BTAF1: variants seen among roughly 807,000 people sequenced by gnomAD.
The protein encoded by BTAF1 is TATA-binding protein-associated factor 172.
In BTAF1, 38 loss-of-function variants were observed where a neutral mutation model predicts 227.1. That is an observed-to-expected ratio of 0.17 (90% CI 0.13 to 0.22). BTAF1 has a LOEUF of 0.22. Ranked by LOEUF, BTAF1 falls within the 10% of genes least tolerant of loss-of-function variation. The probability of loss-of-function intolerance (pLI) is 1.00; values close to 1 mark genes in which losing one functional copy is unlikely to be tolerated. For missense variants in BTAF1, 1,598 were observed against 2,204.0 expected, an observed-to-expected ratio of 0.73 and a Z score of 5.51; for synonymous variants, 742 against 751.9, an observed-to-expected ratio of 0.99 and a Z score of 0.21.
At chr10:91,967,749 T>A (rs1321131964) in intron 14 of BTAF1, among the ~76,000 whole-genome samples, 1 of 152,216 alleles carries the variant, frequency 6.6e-6, no homozygotes, top group Non-Finnish European at 1.5e-5. Context: ...TGTTCTTAAT[T>A]TTCATTTCAT....
chr10:91,989,077 T>C, intron 19 of BTAF1, 77 bp from the exon 20 acceptor site: 1 of 1,282,920 alleles, frequency 7.8e-7, no homozygotes, highest in East Asian at 2.5e-5. Flanking sequence ...GAAAGCTTGC[T>C]GTCTACCCTT....
chr10:92,015,464 G>A (rs1328529392), intron 32 of BTAF1, among the ~76,000 whole-genome samples: 2 of 152,250 alleles, frequency 1.3e-5, no homozygotes, highest in African/African-American at 4.8e-5. Flanking sequence ...AGGATAAGAA[G>A]TTGAGAGTTC....
chr10:92,024,304 G>A (rs969996023), intron 34 of BTAF1, among the ~76,000 whole-genome samples: 5 of 152,012 alleles, frequency 3.3e-5, no homozygotes, highest in East Asian at 1.9e-4. Context: ...GTTTGTCTGC[G>A]GCATCTTCTT....
chr10:91,973,380 G>A (rs1847445059), intron 14 of BTAF1, among the ~76,000 whole-genome samples: 1 of 152,208 alleles, frequency 6.6e-6, no homozygotes, highest in Non-Finnish European at 1.5e-5. Flanking sequence ...CTTTGAAAAT[G>A]TTAATGCTAT....
intron 13 of BTAF1, among the ~76,000 whole-genome samples, chr10:91,964,949 G>A (rs1846788501): frequency 6.6e-6 from 1 of 152,118 alleles, no homozygotes; most frequent in South Asian, 2.1e-4. Flanking sequence ...TAGTGAGGGC[G>A]TTCAGTGAAT....
At chr10:91,958,759 T>C (rs1564673501) in intron 8 of BTAF1, among the ~76,000 whole-genome samples, 2 of 152,174 alleles carry the variant, frequency 1.3e-5, no homozygotes, top group African/African-American at 4.8e-5. Flanking sequence ...TCTCTCTTGC[T>C]GTGGATAGTG....
chr10:91,949,092 C>T (rs1286266143), intron 4 of BTAF1, among the ~76,000 whole-genome samples: 3 of 152,132 alleles, frequency 2.0e-5, no homozygotes, highest in Non-Finnish European at 4.4e-5. Flanking sequence ...GGGAAGATGT[C>T]TTGAGCCCAG....
intron 1 of BTAF1, among the ~76,000 whole-genome samples, chr10:91,931,203 C>T (rs1312831905): frequency 6.6e-6 from 1 of 152,124 alleles, no homozygotes; most frequent in Non-Finnish European, 1.5e-5. Context: ...TTTCCTTTTT[C>T]TAGGCAGTCT....
intron 25 of BTAF1, among the ~76,000 whole-genome samples, chr10:91,998,278 G>C (rs558983201): frequency 6.6e-6 from 1 of 152,066 alleles, no homozygotes; most frequent in South Asian, 2.1e-4. Context: ...TTAACACACA[G>C]AGTTTTAATT....
chr10:91,979,247 G>A (rs1847916460), intron 14 of BTAF1, among the ~76,000 whole-genome samples: 1 of 152,118 alleles, frequency 6.6e-6, no homozygotes, highest in Non-Finnish European at 1.5e-5. Flanking sequence ...TTGATTCCGT[G>A]TCTTTGCTCT....
chr10:91,991,775 A>ATATG (rs1287678246), intron 20 of BTAF1, among the ~76,000 whole-genome samples: 4 of 81,524 alleles, frequency 4.9e-5, no homozygotes, highest in African/African-American at 2.0e-4. Flanking sequence ...AATTATATAT[A>ATATG]TGTGTGTGTG....
At chr10:91,962,177 TTTGA>T (rs1462015834) in intron 11 of BTAF1, among the ~76,000 whole-genome samples, 3 of 152,216 alleles carry the variant, frequency 2.0e-5, no homozygotes, top group Admixed American at 6.5e-5. Flanking sequence ...AATACTGTAC[TTTGA>T]TTGTACCTTT....
At position 92,016,322 on chromosome 10, in the gene BTAF1, A is replaced by G. The variant is rs762252649; in HGVS notation, c.4585-18A>G. 3.2e-6 allele frequency: 5 copies of G among 1,584,438 alleles called. No homozygotes were observed. In the African/African-American group the frequency reaches 4.1e-5, roughly 13 times the overall value. On this transcript the variant is annotated intron_variant, in intron 32 of 37. Transcript: ENST00000265990. ...AATAAATATACTTAAAGCTTCTCCC[A>G]CGGGGGCCATTTTACAGGTTCAGCT...
intron 34 of BTAF1, 132 bp downstream of exon 34, chr10:92,019,067 CTTT>C: frequency 1.1e-6 from 1 of 934,256 alleles, no homozygotes; most frequent in Non-Finnish European, 1.5e-6. Flanking sequence ...TTTGATACAG[CTTT>C]TTGTAAAAAT....
intron 4 of BTAF1, among the ~76,000 whole-genome samples, chr10:91,945,011 G>A (rs1845266579): frequency 6.6e-6 from 1 of 152,218 alleles, no homozygotes. Context: ...ATACCATACA[G>A]TGTAGCTGTG....
chr10:91,972,932 T>G (rs1050505716), intron 14 of BTAF1, among the ~76,000 whole-genome samples: 1 of 152,200 alleles, frequency 6.6e-6, no homozygotes, highest in Non-Finnish European at 1.5e-5. Context: ...TAATATACAC[T>G]GTATACAATT....
At chr10:91,937,971 A>G (rs764265024) in intron 2 of BTAF1, among the ~76,000 whole-genome samples, 14 of 152,148 alleles carry the variant, frequency 9.2e-5, no homozygotes, top group Non-Finnish European at 2.1e-4. Flanking sequence ...ATCCTGCTGG[A>G]TATGAAGGGG....
chr10:91,947,735 C>CAAAAA (rs34292341), intron 4 of BTAF1, among the ~76,000 whole-genome samples: 7 of 107,340 alleles, frequency 6.5e-5, no homozygotes, highest in South Asian at 3.9e-4. Context: ...TCAATGTTTG[C>CAAAAA]AAAAAAAAAA....
intron 1 of BTAF1, among the ~76,000 whole-genome samples, chr10:91,927,980 CT>C (rs60105160): frequency 0.26 from 31,127 of 121,450 alleles, 3,262 homozygotes; most frequent in Non-Finnish European, 0.34. Flanking sequence ...TGCCTTTTTT[CT>C]TTTTTTTTTT....
Sources: allele counts gnomAD v4.1 joint callset (sites outside exome capture counted in the v4.1 genomes callset), GRCh38; gene constraint gnomAD v4.1.1; transcripts MANE v1.5; gene names NCBI Gene and HGNC (gene_info 2026-07-23, HGNC 2026-07-21).